CDH4: variants seen among roughly 807,000 people sequenced by gnomAD.
CDH4 encodes the protein cadherin-4.
In CDH4, 33 loss-of-function variants were observed where a neutral mutation model predicts 86.0. The observed-to-expected ratio is 0.38, with a 90% CI of 0.29 to 0.51. The LOEUF (loss-of-function observed/expected upper bound fraction) is 0.51, where lower values mean the gene tolerates loss of function less well. Among genes scored for constraint, CDH4 ranks in the 20% least tolerant of loss-of-function variants. The pLI is 0.86. For synonymous variants in CDH4, 555 were observed against 549.4 expected, an observed-to-expected ratio of 1.01 and a Z score of -0.14; for missense variants, 1,114 against 1,307.4, an observed-to-expected ratio of 0.85 and a Z score of 2.28.
chr20:61,913,276 G>A (rs532555420), intron 9 of CDH4, among the ~76,000 whole-genome samples: 17 of 152,320 alleles, frequency 1.1e-4, no homozygotes, highest in Admixed American at 8.5e-4. Flanking sequence ...AGGCTGGCTC[G>A]ATGTGGTGGG....
intron 11 of CDH4, among the ~76,000 whole-genome samples, chr20:61,926,422 A>T (rs974507277): frequency 6.6e-6 from 1 of 152,180 alleles, no homozygotes; most frequent in African/African-American, 2.4e-5. Context: ...AGCCTCCCCC[A>T]GCCAGCGCTG....
intron 2 of CDH4, among the ~76,000 whole-genome samples, chr20:61,519,837 T>A (rs1195494555): frequency 6.6e-6 from 1 of 152,162 alleles, no homozygotes; most frequent in African/African-American, 2.4e-5. Context: ...GCTCTTAACC[T>A]CCACTTCCTC....
At chr20:61,809,989 G>T (rs530499049) in intron 4 of CDH4, among the ~76,000 whole-genome samples, 1 of 152,160 alleles carries the variant, frequency 6.6e-6, no homozygotes, top group African/African-American at 2.4e-5. Flanking sequence ...GAAGACCATC[G>T]TATCAGTTGG....
At chr20:61,890,500 G>C (rs1984773236) in intron 7 of CDH4, among the ~76,000 whole-genome samples, 3 of 151,784 alleles carry the variant, frequency 2.0e-5, no homozygotes, top group Admixed American at 6.6e-5. Flanking sequence ...ATGGATGCAT[G>C]GGTGGATGAT....
intron 2 of CDH4, among the ~76,000 whole-genome samples, chr20:61,655,908 T>C (rs2087182057): frequency 6.6e-6 from 1 of 152,218 alleles, no homozygotes; most frequent in East Asian, 1.9e-4. Flanking sequence ...CAAGGCTGCA[T>C]GTGCCTGGAG....
chr20:61,707,676 A>G (rs2087846554), intron 2 of CDH4, among the ~76,000 whole-genome samples: 1 of 152,104 alleles, frequency 6.6e-6, no homozygotes, highest in Non-Finnish European at 1.5e-5. Flanking sequence ...TAATGAAGAC[A>G]ATTTTTCCAT....
intron 4 of CDH4, among the ~76,000 whole-genome samples, chr20:61,798,937 G>A (rs12481682): frequency 0.1 from 15,576 of 152,214 alleles, 983 homozygotes; most frequent in East Asian, 0.21. Context: ...CTCCTTTCGC[G>A]ACACAGGGCA....
At position 61,480,911 on chromosome 20, in the gene CDH4, A is replaced by G. The variant is rs1013970491; in HGVS notation, c.169+225974A>G. ...TGCCCTCACATGGATTTGTGCGACCAAGATTATACAACTCGGATGCTACTG... is the reference window on the plus strand; with the variant it reads ...TGCCCTCACATGGATTTGTGCGACCGAGATTATACAACTCGGATGCTACTG... On this transcript the variant is annotated intron_variant, in intron 2 of 15. Coordinates refer to ENST00000614565, the MANE Select transcript of CDH4 (RefSeq NM_001794.5). This position sits in a 1 kb window ranked among gnomAD's most constrained non-coding sequence, Gnocchi z 5.2. Among the ~76,000 whole-genome samples, 2 of 152,218 alleles carry G rather than the reference A, an allele frequency of 1.3e-5. No homozygotes were observed. The highest frequency in any genetic ancestry group is 4.8e-5 in the African/African-American group (2 of 41,460).
At chr20:61,308,024 G>A (rs1568791292) in intron 2 of CDH4, among the ~76,000 whole-genome samples, 1 of 152,198 alleles carries the variant, frequency 6.6e-6, no homozygotes, top group African/African-American at 2.4e-5. Context: ...GGCATGGAGA[G>A]CTTCTGAAAC....
rs1185199469 is a variant in CDH4, at chr20:61,482,763, C to T, written c.169+227826C>T. 1.3e-5 allele frequency among the ~76,000 whole-genome samples: 2 copies of T among 152,098 alleles called. 1 individual carries two copies. The highest frequency in any genetic ancestry group is 1.3e-4 in the Admixed American group (2 of 15,274). On this transcript the variant is annotated intron_variant, in intron 2 of 15. Coordinates refer to ENST00000614565, the MANE Select transcript of CDH4 (RefSeq NM_001794.5). Reference sequence around the variant, plus strand: ...CTGTCTGTAGAGATGGGCAATGAGCCGAGTTGTTGATGGAATGACACTAAG... The same window carrying T: ...CTGTCTGTAGAGATGGGCAATGAGCTGAGTTGTTGATGGAATGACACTAAG...
intron 13 of CDH4, among the ~76,000 whole-genome samples, chr20:61,931,089 G>A (rs1197669293): frequency 1.3e-5 from 2 of 152,224 alleles, no homozygotes; most frequent in Admixed American, 1.3e-4. Context: ...TGGGGTGCAT[G>A]GGGGGCACCC....
At chr20:61,806,652 G>A (rs1980153570) in intron 4 of CDH4, among the ~76,000 whole-genome samples, 1 of 152,210 alleles carries the variant, frequency 6.6e-6, no homozygotes, top group Non-Finnish European at 1.5e-5. Context: ...TTGCTCAGGG[G>A]CTGCTGGAGG....
rs539186574 is a variant in CDH4 at position 61,898,374 on chromosome 20, G to A, written c.1188+3327G>A. On this transcript the variant is annotated intron_variant, in intron 8 of 15. Transcript: ENST00000614565. Reference sequence around the variant, plus strand: ...GCGGCTGCACTGCCCACGTGAGGCTGAGTGGGGACCCTCGGCCCTCAGCAC... The same window carrying A: ...GCGGCTGCACTGCCCACGTGAGGCTAAGTGGGGACCCTCGGCCCTCAGCAC... Among the ~76,000 whole-genome samples, 46 of 152,370 alleles carry A rather than the reference G, an allele frequency of 3.0e-4. No individual in the cohort carries two copies. In the South Asian group the frequency reaches 9.5e-3, roughly 32 times the overall value.
At chr20:61,303,996 C>G (rs1458754001) in intron 2 of CDH4, among the ~76,000 whole-genome samples, 1 of 152,072 alleles carries the variant, frequency 6.6e-6, no homozygotes, top group Non-Finnish European at 1.5e-5. Context: ...TTAACACGGC[C>G]GTAGGGATAG....
chr20:61,741,779 C>T (rs13045937), intron 2 of CDH4, among the ~76,000 whole-genome samples: 16,786 of 152,190 alleles, frequency 0.11, 1,025 homozygotes, highest in African/African-American at 0.15. Context: ...CAGGCATGAG[C>T]CACCACGCCC....
intron 6 of CDH4, among the ~76,000 whole-genome samples, chr20:61,859,715 T>A (rs1423368610): frequency 6.6e-6 from 1 of 152,268 alleles, no homozygotes; most frequent in African/African-American, 2.4e-5. Flanking sequence ...CACATTTGTG[T>A]GGGTCTGTTC....
At chr20:61,550,838 C>T (rs1217439723) in intron 2 of CDH4, among the ~76,000 whole-genome samples, 1 of 152,206 alleles carries the variant, frequency 6.6e-6, no homozygotes, top group African/African-American at 2.4e-5. Flanking sequence ...TACCCAGGGG[C>T]AGGCAGGGCT....
intron 2 of CDH4, among the ~76,000 whole-genome samples, chr20:61,742,706 A>G (rs1020570254): frequency 6.6e-6 from 1 of 152,230 alleles, no homozygotes; most frequent in Non-Finnish European, 1.5e-5. Flanking sequence ...GCAAAAGCAC[A>G]CGTCTAAAAA....
At position 61,392,169 on chromosome 20, in the gene CDH4, G is replaced by A. The variant is rs568444498; in HGVS notation, c.169+137232G>A. Reference sequence around the variant, plus strand: ...GGAGGTGAACCCGGGCATGTGACACGGTCACAGGGACTCCTCCAGTGGTTT... The same window carrying A: ...GGAGGTGAACCCGGGCATGTGACACAGTCACAGGGACTCCTCCAGTGGTTT... On this transcript the variant is annotated intron_variant, in intron 2 of 15. Coordinates refer to ENST00000614565, the MANE Select transcript of CDH4 (RefSeq NM_001794.5). The surrounding 1 kb of genome is among the most constrained non-coding windows in gnomAD (Gnocchi z 5.7). Among the ~76,000 whole-genome samples, 11 of 151,706 alleles carry A rather than the reference G, an allele frequency of 7.3e-5. No individual in the cohort carries two copies. Among genetic ancestry groups the A allele is most frequent in the Non-Finnish European group, 1.5e-4 (10 of 67,968 alleles).
Sources: gnomAD v4.1 joint callset for allele counts (sites outside exome capture counted in the v4.1 genomes callset) on GRCh38, gnomAD v4.1.1 for gene constraint, Gnocchi (gnomAD v3.1) non-coding constraint, MANE v1.5 for transcripts, NCBI Gene and HGNC (gene_info 2026-07-23, HGNC 2026-07-21) for gene names.